The following RBFOX1 variants were observed in gnomAD, a reference collection of about 807,000 sequenced individuals.
The protein encoded by RBFOX1 is RNA binding fox-1 homolog 1.
In RBFOX1, 8 loss-of-function variants were observed where a neutral mutation model predicts 57.7. The ratio of observed to expected loss-of-function variants is 0.14; its 90% confidence interval spans 0.08 to 0.25. The LOEUF (loss-of-function observed/expected upper bound fraction) is 0.25, where lower values mean the gene tolerates loss of function less well. Among genes scored for constraint, RBFOX1 ranks in the 10% least tolerant of loss-of-function variants. The probability of loss-of-function intolerance (pLI) is 1.00; values close to 1 mark genes in which losing one functional copy is unlikely to be tolerated. For missense variants in RBFOX1, 611 were observed against 548.5 expected (o/e 1.11, Z -1.14); for synonymous variants, 326 against 222.4 (o/e 1.47, Z -4.15).
intron 4 of RBFOX1, among the ~76,000 whole-genome samples, chr16:7,110,144 G>A (rs532428509): frequency 6.7e-6 from 1 of 150,286 alleles, no homozygotes; most frequent in Non-Finnish European, 1.5e-5. Context: ...GAGGCCAGGA[G>A]TGTGAGACCA....
intron 3 of RBFOX1, among the ~76,000 whole-genome samples, chr16:6,719,545 A>T (rs2065523606): frequency 6.6e-6 from 1 of 150,616 alleles, no homozygotes; most frequent in Admixed American, 6.6e-5. Context: ...GGTTCATGCC[A>T]TTCTTCTGCC....
At chr16:7,527,038 T>G (rs1455114120) in intron 5 of RBFOX1, among the ~76,000 whole-genome samples, 2 of 152,158 alleles carry the variant, frequency 1.3e-5, no homozygotes, top group African/African-American at 4.8e-5. Context: ...TGTGCAACAT[T>G]ACAGACTTCG....
chr16:5,263,373 A>C (rs2062782912), intron 1 of RBFOX1, among the ~76,000 whole-genome samples: 1 of 152,164 alleles, frequency 6.6e-6, no homozygotes. Flanking sequence ...AGCTGTCTGC[A>C]ACAGAGGGAT....
intron 2 of RBFOX1, among the ~76,000 whole-genome samples, chr16:6,601,383 G>C (rs905195264): frequency 2.0e-5 from 3 of 152,168 alleles, no homozygotes; most frequent in Non-Finnish European, 4.4e-5. Context: ...GAAGGTGAGA[G>C]TTACGGTGCT....
intron 2 of RBFOX1, among the ~76,000 whole-genome samples, chr16:5,485,734 C>T (rs2069710088): frequency 6.6e-6 from 1 of 152,168 alleles, no homozygotes. Context: ...TATTTTAGGG[C>T]ATTTCCTTAA....
intron 3 of RBFOX1, among the ~76,000 whole-genome samples, chr16:6,968,600 C>G (rs755037233): frequency 1.6e-4 from 24 of 152,002 alleles, no homozygotes; most frequent in Non-Finnish European, 2.9e-4. Flanking sequence ...TGATGGATTC[C>G]TCCCATCCTG....
chr16:6,882,557 C>T (rs1382910329), intron 3 of RBFOX1, among the ~76,000 whole-genome samples: 2 of 152,076 alleles, frequency 1.3e-5, no homozygotes, highest in African/African-American at 2.4e-5. Context: ...GATCGCACCA[C>T]TGCACTGCAG....
chr16:7,694,088 T>C (rs77171835), intron 14 of RBFOX1, among the ~76,000 whole-genome samples: 6 of 152,324 alleles, frequency 3.9e-5, no homozygotes, highest in Non-Finnish European at 7.3e-5. Flanking sequence ...GTTAATTAAA[T>C]GCCAAGATAG....
intron 4 of RBFOX1, among the ~76,000 whole-genome samples, chr16:7,060,018 T>C (rs542494188): frequency 6.6e-6 from 1 of 152,330 alleles, no homozygotes; most frequent in African/African-American, 2.4e-5. Flanking sequence ...CTCAGAAATG[T>C]GGAAAGATTC....
At chr16:6,497,574 A>C (rs1047688810) in intron 2 of RBFOX1, among the ~76,000 whole-genome samples, 7 of 145,138 alleles carry the variant, frequency 4.8e-5, no homozygotes, top group African/African-American at 2.6e-5. Context: ...AAAAAAAAAA[A>C]AAACAGAGTT....
intron 3 of RBFOX1, among the ~76,000 whole-genome samples, chr16:6,951,779 A>G (rs1224783604): frequency 6.6e-6 from 1 of 151,872 alleles, no homozygotes; most frequent in African/African-American, 2.4e-5. Flanking sequence ...TTTCGCCCAG[A>G]CTGGAGTGCA....
At chr16:6,698,370 A>G (rs1350428667) in intron 3 of RBFOX1, among the ~76,000 whole-genome samples, 1 of 152,210 alleles carries the variant, frequency 6.6e-6, no homozygotes, top group Admixed American at 6.5e-5. Context: ...AATTTTTAAG[A>G]GAACACAATG....
intron 3 of RBFOX1, among the ~76,000 whole-genome samples, chr16:6,908,884 A>G (rs1267327280): frequency 6.6e-6 from 1 of 152,158 alleles, no homozygotes; most frequent in Non-Finnish European, 1.5e-5. Flanking sequence ...ATTTTGAACA[A>G]TGCTAGGCAC....
chr16:6,561,617 T>G (rs2097180250), intron 2 of RBFOX1, among the ~76,000 whole-genome samples: 2 of 152,230 alleles, frequency 1.3e-5, no homozygotes. Flanking sequence ...AAAATTCAAT[T>G]CAGTTGCAGA....
chr16:5,254,099 CTAGTGTT>C (rs1212344757), intron 1 of RBFOX1, among the ~76,000 whole-genome samples: 1 of 152,168 alleles, frequency 6.6e-6, no homozygotes, highest in Non-Finnish European at 1.5e-5. Context: ...ATTTGTGTCT[CTAGTGTT>C]TAGTATATGC....
At chr16:5,993,340 CGTGTGTGTGT>C (rs58189800) in intron 4 of RBFOX1, among the ~76,000 whole-genome samples, 56,493 of 132,218 alleles carry the variant, frequency 0.43, 12,218 homozygotes, top group Middle Eastern at 0.53. Flanking sequence ...TAATGCTGTA[CGTGTGTGTGT>C]GTGTGTGTGT....
chr16:6,277,173 A>G (rs1374965315), intron 1 of RBFOX1, among the ~76,000 whole-genome samples: 5 of 152,150 alleles, frequency 3.3e-5, no homozygotes, highest in South Asian at 4.1e-4. Flanking sequence ...TAAAAAGTCA[A>G]TTTTCAGCTG....
At chr16:6,871,535 A>G (rs2153273351) in intron 3 of RBFOX1, among the ~76,000 whole-genome samples, 1 of 152,038 alleles carries the variant, frequency 6.6e-6, no homozygotes, top group Middle Eastern at 3.4e-3. Flanking sequence ...ATGCCCAGAG[A>G]TCAACTCCAG....
chr16:5,518,215 G>C (rs1364113201), intron 2 of RBFOX1, among the ~76,000 whole-genome samples: 4 of 152,128 alleles, frequency 2.6e-5, no homozygotes, highest in African/African-American at 9.7e-5. Flanking sequence ...ATGTTCCTTG[G>C]TTGAAACTAA....
Sources: allele counts gnomAD v4.1 joint callset (sites outside exome capture counted in the v4.1 genomes callset), GRCh38; gene constraint gnomAD v4.1.1; transcripts MANE v1.5; gene names NCBI Gene and HGNC (gene_info 2026-07-23, HGNC 2026-07-21).